The following PTPN2 variants were observed in gnomAD, a reference collection of about 807,000 sequenced individuals.
PTPN2 encodes tyrosine-protein phosphatase non-receptor type 2.
Under a neutral mutation model 57.3 loss-of-function variants are expected in PTPN2, and 19 were observed. The observed-to-expected ratio is 0.33, with a 90% CI of 0.23 to 0.49. PTPN2 has a LOEUF of 0.49. PTPN2 is among the 20% of genes least tolerant of loss of function. The pLI is 0.99. For synonymous variants in PTPN2, 153 were observed against 164.9 expected (o/e 0.93, Z 0.55); for missense variants, 358 against 501.1 (o/e 0.71, Z 2.73).
intron 3 of PTPN2, among the ~76,000 whole-genome samples, chr18:12,833,292 C>A (rs1473620540): frequency 6.6e-6 from 1 of 152,230 alleles, no homozygotes; most frequent in Non-Finnish European, 1.5e-5. Context: ...TGGGTTACTG[C>A]ATCTCTAGTT....
At chr18:12,835,975 C>T (rs768488654) in intron 3 of PTPN2, among the ~76,000 whole-genome samples, 2 of 151,996 alleles carry the variant, frequency 1.3e-5, no homozygotes, top group Non-Finnish European at 2.9e-5. Flanking sequence ...TGTGAATTGA[C>T]GTAGTATAAT....
chr18:12,795,405 T>A (rs549785007), intron 8 of PTPN2, among the ~76,000 whole-genome samples: 2 of 152,192 alleles, frequency 1.3e-5, no homozygotes, highest in African/African-American at 2.4e-5. Context: ...GCAATTCTTC[T>A]GCCTCAGCCT....
chr18:12,873,054 C>G (rs1249747290), intron 1 of PTPN2, among the ~76,000 whole-genome samples: 1 of 152,124 alleles, frequency 6.6e-6, no homozygotes, highest in Non-Finnish European at 1.5e-5. Context: ...AACCCCATCT[C>G]TACTAAAAAT....
chr18:12,823,387 G>A (rs1455190446), intron 5 of PTPN2, among the ~76,000 whole-genome samples: 1 of 152,080 alleles, frequency 6.6e-6, no homozygotes, highest in Non-Finnish European at 1.5e-5. Context: ...CAAAAGTTAG[G>A]AGATGGCCGG....
intron 1 of PTPN2, among the ~76,000 whole-genome samples, chr18:12,874,442 T>A (rs1234000824): frequency 7.5e-6 from 1 of 132,746 alleles, no homozygotes. Context: ...TGCCGCCTCG[T>A]CCGGGAGGTG....
chr18:12,790,635 T>C (rs559925335), downstream of PTPN2, among the ~76,000 whole-genome samples: 3 of 152,290 alleles, frequency 2.0e-5, no homozygotes, highest in African/African-American at 4.8e-5. Flanking sequence ...AAACCATCAA[T>C]AAATGGTGCT....
intron 7 of PTPN2, among the ~76,000 whole-genome samples, chr18:12,804,446 C>A (rs1227610896): frequency 6.7e-6 from 1 of 149,050 alleles, no homozygotes; most frequent in African/African-American, 2.5e-5. Flanking sequence ...AAAAAAGAAA[C>A]GAAAGATCAA....
At chr18:12,815,292 G>T (rs1358613849) in intron 6 of PTPN2, among the ~76,000 whole-genome samples, 1 of 150,804 alleles carries the variant, frequency 6.6e-6, no homozygotes, top group African/African-American at 2.4e-5. Flanking sequence ...CGCACTTGTA[G>T]TCCCAGCTAC....
At chr18:12,883,832 G>C in intron 1 of PTPN2, 1 of 383,318 alleles carries the variant, frequency 2.6e-6, no homozygotes, top group Non-Finnish European at 4.7e-6. Context: ...AGAACTAACT[G>C]CGCTTGCGCT....
At chr18:12,813,406 C>T (rs2041964126) in intron 7 of PTPN2, among the ~76,000 whole-genome samples, 1 of 152,144 alleles carries the variant, frequency 6.6e-6, no homozygotes, top group Non-Finnish European at 1.5e-5. Flanking sequence ...TGTTTCTGTG[C>T]ATTAAGAATA....
chr18:12,787,753 T>C (rs1412653764), downstream of PTPN2: 1 of 152,230 alleles, frequency 6.6e-6, no homozygotes, highest in African/African-American at 2.4e-5. Flanking sequence ...CTTGAATCAA[T>C]TTTTGCTATT....
chr18:12,800,070 A>G (rs541457037), intron 8 of PTPN2, among the ~76,000 whole-genome samples: 10 of 152,194 alleles, frequency 6.6e-5, no homozygotes, highest in Non-Finnish European at 1.3e-4. Flanking sequence ...GGGAAAGAAG[A>G]AAACACCGCC....
intron 3 of PTPN2, among the ~76,000 whole-genome samples, chr18:12,835,535 C>T (rs1323428318): frequency 2.6e-5 from 4 of 151,912 alleles, no homozygotes; most frequent in Admixed American, 2.6e-4. Context: ...GCCACCATGC[C>T]CAGCTAATTT....
chr18:12,815,057 C>G (rs1455367888), intron 6 of PTPN2, among the ~76,000 whole-genome samples: 2 of 151,098 alleles, frequency 1.3e-5, no homozygotes, highest in African/African-American at 4.9e-5. Flanking sequence ...ATACTCCAGC[C>G]TGGGCGACAG....
At chr18:12,867,030 A>C (rs1464152467) in intron 1 of PTPN2, among the ~76,000 whole-genome samples, 2 of 83,028 alleles carry the variant, frequency 2.4e-5, no homozygotes, top group Non-Finnish European at 4.3e-5. Context: ...ACAAACAAAC[A>C]AAAAAAAAAA....
chr18:12,875,955 C>T (rs1254226696), intron 1 of PTPN2, among the ~76,000 whole-genome samples: 1 of 152,120 alleles, frequency 6.6e-6, no homozygotes, highest in Non-Finnish European at 1.5e-5. Context: ...ACTGTGGCTC[C>T]CCAGCATTAT....
At chr18:12,811,040 C>G (rs1381465981) in intron 7 of PTPN2, among the ~76,000 whole-genome samples, 1 of 152,188 alleles carries the variant, frequency 6.6e-6, no homozygotes, top group East Asian at 1.9e-4. Context: ...CATATTCTAA[C>G]ACTTCAAATG....
intron 1 of PTPN2, among the ~76,000 whole-genome samples, chr18:12,869,904 G>T (rs1230624945): frequency 6.6e-6 from 1 of 152,124 alleles, no homozygotes; most frequent in Non-Finnish European, 1.5e-5. Flanking sequence ...AGGACACAGT[G>T]AAGTATGAAG....
rs570881187 is a variant in PTPN2 at position 12,814,740 on chromosome 18, G to GCCTC, written c.706-389_706-386dup. ...CAACCTTTCTGCTCATTCCCCTTCC[G>GCCTC]CCTCCTTCATGTCTGCACTACAGAC... On this transcript the variant is annotated intron_variant, in intron 6 of 8. Coordinates refer to ENST00000309660, the MANE Select transcript of PTPN2 (RefSeq NM_002828.4). Among the ~76,000 whole-genome samples the GCCTC allele has an allele frequency of 4.1e-3, 617 of 151,324 alleles. 2 individuals carry two copies. Among genetic ancestry groups the GCCTC allele is most frequent in the Non-Finnish European group, 6.3e-3 (429 of 67,856 alleles).
Sources: allele counts gnomAD v4.1 joint callset (sites outside exome capture counted in the v4.1 genomes callset), GRCh38; gene constraint gnomAD v4.1.1; transcripts MANE v1.5; gene names NCBI Gene and HGNC (gene_info 2026-07-23, HGNC 2026-07-21).